Variants in LUZP2 observed in about 807,000 individuals in gnomAD.
LUZP2 encodes the protein leucine zipper protein 2.
A neutral mutation model predicts 51.6 loss-of-function variants in LUZP2; 52 were observed. The observed-to-expected ratio is 1.01, with a 90% CI of 0.81 to 1.27. The LOEUF (loss-of-function observed/expected upper bound fraction) is 1.27, where lower values mean the gene tolerates loss of function less well. Among genes scored for constraint, LUZP2 ranks in the 50% most tolerant of loss-of-function variants. LUZP2 has a pLI of 0.00. For missense variants in LUZP2, 436 were observed against 395.4 expected (o/e 1.10, Z -0.87); for synonymous variants, 154 against 137.3 (o/e 1.12, Z -0.85).
At chr11:24,651,178 A>C (rs1855612517) in intron 1 of LUZP2, among the ~76,000 whole-genome samples, 1 of 152,072 alleles carries the variant, frequency 6.6e-6, no homozygotes, top group Admixed American at 6.6e-5. Context: ...TACTCAGCTG[A>C]TACTAACCAA....
chr11:24,892,408 G>T, intron 5 of LUZP2: 4 of 982,336 alleles, frequency 4.1e-6, no homozygotes, highest in Non-Finnish European at 4.8e-6. Flanking sequence ...GTGATGTCTC[G>T]ATTAGCACTT....
At chr11:24,567,092 C>T (rs989959335) in intron 1 of LUZP2, among the ~76,000 whole-genome samples, 3 of 149,750 alleles carry the variant, frequency 2.0e-5, no homozygotes, top group Non-Finnish European at 4.4e-5. Flanking sequence ...CTGCCTGCCT[C>T]GGTCTCCCAA....
intron 10 of LUZP2, among the ~76,000 whole-genome samples, chr11:25,052,969 T>C (rs993865549): frequency 2.0e-5 from 3 of 152,170 alleles, no homozygotes; most frequent in Admixed American, 6.5e-5. Context: ...ATAAAATTGA[T>C]AGTAACTTTA....
At chr11:25,008,501 C>T (rs577625826) in intron 9 of LUZP2, among the ~76,000 whole-genome samples, 10 of 152,264 alleles carry the variant, frequency 6.6e-5, no homozygotes, top group Admixed American at 2.0e-4. Flanking sequence ...GGGCCTATCA[C>T]GGCTCATTTG....
intron 1 of LUZP2, among the ~76,000 whole-genome samples, chr11:24,560,734 C>A (rs1852013274): frequency 6.6e-6 from 1 of 152,152 alleles, no homozygotes; most frequent in African/African-American, 2.4e-5. Flanking sequence ...ATAGCCACAG[C>A]TCAAAAATAC....
chr11:25,025,127 C>T (rs1857451766), intron 9 of LUZP2, among the ~76,000 whole-genome samples: 1 of 152,110 alleles, frequency 6.6e-6, no homozygotes, highest in Admixed American at 6.6e-5. Context: ...CTTCCTTATA[C>T]CTTATACAAA....
chr11:24,938,393 T>C (rs940494562), intron 7 of LUZP2, among the ~76,000 whole-genome samples: 3 of 152,188 alleles, frequency 2.0e-5, no homozygotes, highest in South Asian at 4.1e-4. Flanking sequence ...TTAACATATA[T>C]ATCATTTGTG....
chr11:24,904,099 A>G (rs565683089), intron 5 of LUZP2, among the ~76,000 whole-genome samples: 22 of 152,278 alleles, frequency 1.4e-4, no homozygotes, highest in African/African-American at 5.1e-4. Flanking sequence ...GCAACTGTGC[A>G]TAAGAGTTCC....
rs146981985 is a variant in LUZP2, at chr11:24,983,022, A to G, written c.598-104A>G. On this transcript the variant is annotated intron_variant, in intron 8 of 11. Coordinates refer to ENST00000336930, the MANE Select transcript of LUZP2 (RefSeq NM_001009909.4). ...TAGGCAATTACATTTGAAAAGTGAT[A>G]TGTATTTTTGTGGGGAGTATAGGCT... The G allele has an allele frequency of 3.2e-3, 3,321 of 1,026,800 alleles. 68 individuals are homozygous for G. The East Asian group carries it at 0.038, about 12-fold the overall frequency. The allele number at this position is 1,026,800 out of a possible 1,614,324, so 63.6% of individuals were successfully genotyped here. A position where few individuals can be genotyped will look rare whatever the true frequency, so the allele number is the denominator to read the frequency against.
Position 24,531,164 on chromosome 11 carries a change from C to A in LUZP2, c.62+33859C>A, listed in dbSNP as rs112441088. Reference sequence around the variant, plus strand: ...GTTTCTCTGTCCTTAAAATGAAGGGCAACATTCACAATTTTAAAATATGAG... The same window carrying A: ...GTTTCTCTGTCCTTAAAATGAAGGGAAACATTCACAATTTTAAAATATGAG... On this transcript the variant is annotated intron_variant, in intron 1 of 11. Coordinates refer to ENST00000336930, the MANE Select transcript of LUZP2 (RefSeq NM_001009909.4). Among the ~76,000 whole-genome samples the A allele has an allele frequency of 8.4e-3, 1,266 of 150,154 alleles. 16 individuals carry two copies. Among genetic ancestry groups the A allele is most frequent in the African/African-American group, 0.028 (1,169 of 41,166 alleles).
intron 4 of LUZP2, among the ~76,000 whole-genome samples, chr11:24,756,904 C>T (rs2134020062): frequency 6.6e-6 from 1 of 152,324 alleles, no homozygotes; most frequent in Non-Finnish European, 1.5e-5. Flanking sequence ...CTGAGGTTCC[C>T]ATAACCACCT....
At chr11:25,044,355 T>G (rs1858224893) in intron 9 of LUZP2, among the ~76,000 whole-genome samples, 1 of 148,870 alleles carries the variant, frequency 6.7e-6, no homozygotes. Flanking sequence ...TTCACTCCAA[T>G]ATACATCATC....
chr11:24,513,633 C>T (rs918253074), intron 1 of LUZP2, among the ~76,000 whole-genome samples: 1 of 152,124 alleles, frequency 6.6e-6, no homozygotes, highest in African/African-American at 2.4e-5. Context: ...TACTTTCTGA[C>T]TGTCATTACT....
intron 1 of LUZP2, among the ~76,000 whole-genome samples, chr11:24,678,909 G>C (rs1856648284): frequency 6.6e-6 from 1 of 152,152 alleles, no homozygotes; most frequent in Non-Finnish European, 1.5e-5. Context: ...ATATAGTGCT[G>C]CGTCCAGGCA....
At chr11:24,835,313 A>G (rs972082628) in intron 5 of LUZP2, among the ~76,000 whole-genome samples, 2 of 152,184 alleles carry the variant, frequency 1.3e-5, no homozygotes, top group Non-Finnish European at 2.9e-5. Flanking sequence ...CTAACTCAAG[A>G]TAGATTAAAG....
intron 5 of LUZP2, among the ~76,000 whole-genome samples, chr11:24,824,860 T>C (rs1240663452): frequency 2.0e-5 from 3 of 152,164 alleles, no homozygotes; most frequent in African/African-American, 7.2e-5. Flanking sequence ...AACTAAAATT[T>C]TGACAAAATA....
At chr11:25,007,205 G>A (rs1025594866) in intron 9 of LUZP2, among the ~76,000 whole-genome samples, 25 of 152,228 alleles carry the variant, frequency 1.6e-4, no homozygotes, top group Admixed American at 2.6e-4. Flanking sequence ...GTCCCCACCC[G>A]ACCCAGAAGC....
intron 1 of LUZP2, among the ~76,000 whole-genome samples, chr11:24,523,096 C>A (rs1477981622): frequency 6.6e-6 from 1 of 151,868 alleles, no homozygotes; most frequent in Admixed American, 6.6e-5. Flanking sequence ...ATAAACCTTC[C>A]CTGACTTGCT....
In LUZP2 at chr11:24,519,843, C is replaced by A. The variant is rs528234953; in HGVS notation, c.62+22538C>A. ...TTGCTTCATGATTAATTTGTGATTGCACATAATTTTCATAATTTTAGTTCA... is the reference window on the plus strand; with the variant it reads ...TTGCTTCATGATTAATTTGTGATTGAACATAATTTTCATAATTTTAGTTCA... On this transcript the variant is annotated intron_variant, in intron 1 of 11. Coordinates refer to ENST00000336930, the MANE Select transcript of LUZP2 (RefSeq NM_001009909.4). Among the ~76,000 whole-genome samples the A allele has an allele frequency of 2.4e-4, 37 of 152,162 alleles. No individual in the cohort carries two copies. The East Asian group carries it at 3.7e-3, about 15-fold the overall frequency.
Sources: gnomAD v4.1 joint callset for allele counts (sites outside exome capture counted in the v4.1 genomes callset) on GRCh38, gnomAD v4.1.1 for gene constraint, MANE v1.5 for transcripts, NCBI Gene and HGNC (gene_info 2026-07-23, HGNC 2026-07-21) for gene names.